Variants in MTRF1 observed in about 807,000 individuals in gnomAD.
MTRF1 encodes the protein mitochondrial translation release factor 1, also known as peptide chain release factor 1, mitochondrial.
A neutral mutation model predicts 62.9 loss-of-function variants in MTRF1; 51 were observed. The observed-to-expected ratio is 0.81, with a 90% CI of 0.65 to 1.02. The LOEUF is 1.02. Among genes scored for constraint, MTRF1 ranks in the 50% least tolerant of loss-of-function variants. The probability of loss-of-function intolerance (pLI) is 0.00; values close to 1 mark genes in which losing one functional copy is unlikely to be tolerated. For missense variants in MTRF1, 446 were observed against 530.0 expected (o/e 0.84, Z 1.56); for synonymous variants, 158 against 181.9 (o/e 0.87, Z 1.06).
Position 41,240,366 on chromosome 13 carries a change from AC to A in MTRF1, c.764del (p.Gly255ValfsTer39). 1 of 1,613,844 alleles carries A rather than the reference AC, an allele frequency of 6.2e-7. No homozygotes were observed. Among genetic ancestry groups the A allele is most frequent in the Non-Finnish European group, 8.5e-7 (1 of 1,179,888 alleles). On this transcript the variant is annotated frameshift_variant, in exon 6 of 10. Coordinates refer to ENST00000379480, the MANE Select transcript of MTRF1 (RefSeq NM_004294.4). LOFTEE classifies it high-confidence loss of function. The stretch of plus-strand genomic sequence containing the variant: ...GGATGCGCTGAACTCGGTGAATCCC[AC>A]CCTCATACTTCAAATGCTTATAGAC... ...DGVYKHLKYEGGIHRVQRIPE... is the reference protein window; with the variant it reads ...DGVYKHLKYEXGIHRVQRIPE...
At chr13:41,233,578 G>A (rs991302128) in intron 7 of MTRF1, among the ~76,000 whole-genome samples, 2 of 152,122 alleles carry the variant, frequency 1.3e-5, no homozygotes, top group African/African-American at 4.8e-5. Flanking sequence ...GAATATCCAC[G>A]GTGGTGGCCT....
chr13:41,281,114 C>T, the MTRF1 span, among the ~76,000 whole-genome samples: 2 of 152,302 alleles, frequency 1.3e-5, no homozygotes, highest in Admixed American at 1.3e-4. Flanking sequence ...TGTGGATACC[C>T]CTCATGTCGA....
At chr13:41,248,682 C>T (rs1235730271) in intron 5 of MTRF1, among the ~76,000 whole-genome samples, 1 of 152,138 alleles carries the variant, frequency 6.6e-6, no homozygotes, top group Non-Finnish European at 1.5e-5. Context: ...GTCATGTGGA[C>T]ACATAAAATT....
upstream of MTRF1, among the ~76,000 whole-genome samples, chr13:41,265,769 G>T (rs1224690605): frequency 6.6e-6 from 1 of 152,190 alleles, no homozygotes; most frequent in African/African-American, 2.4e-5. Flanking sequence ...CTGCCACCTT[G>T]ATGTTAGACT....
At chr13:41,298,540 T>C in the MTRF1 span, among the ~76,000 whole-genome samples, 26 of 152,360 alleles carry the variant, frequency 1.7e-4, no homozygotes, top group Admixed American at 1.4e-3. Flanking sequence ...ATGATCTGCT[T>C]CAGAATTGGA....
chr13:41,219,374 T>C (rs9594497), intron 9 of MTRF1, among the ~76,000 whole-genome samples: 2,134 of 152,086 alleles, frequency 0.014, 57 homozygotes, highest in African/African-American at 0.048. Context: ...TGTAAAAGGA[T>C]TATCCCTCTA....
intron 9 of MTRF1, 32 bp downstream of exon 9, chr13:41,223,224 A>C: frequency 2.7e-6 from 4 of 1,469,450 alleles, no homozygotes; most frequent in Non-Finnish European, 2.8e-6. Flanking sequence ...TTCTGAAATC[A>C]AAGGTAGGCA....
chr13:41,257,620 A>C (rs1377679280), intron 2 of MTRF1: 2 of 197,630 alleles, frequency 1.0e-5, no homozygotes, highest in African/African-American at 4.6e-5. Context: ...CAACACAGTG[A>C]GACCTCATCT....
chr13:41,224,616 C>A (rs2138703564), intron 8 of MTRF1, among the ~76,000 whole-genome samples: 1 of 152,310 alleles, frequency 6.6e-6, no homozygotes, highest in South Asian at 2.1e-4. Flanking sequence ...ATGGCCAGGA[C>A]CTCACTCCAG....
intron 6 of MTRF1, among the ~76,000 whole-genome samples, chr13:41,238,932 TACC>T (rs1242768500): frequency 2.6e-5 from 4 of 151,458 alleles, no homozygotes; most frequent in African/African-American, 9.7e-5. Flanking sequence ...AGTTAAAGAG[TACC>T]ACAAGGAACA....
At chr13:41,292,154 T>C in the MTRF1 span, among the ~76,000 whole-genome samples, 1 of 152,212 alleles carries the variant, frequency 6.6e-6, no homozygotes, top group Non-Finnish European at 1.5e-5. Context: ...ACTGCTCTAA[T>C]CTTTCCTGTC....
intron 6 of MTRF1, chr13:41,236,596 A>T (rs1239726577): frequency 6.6e-6 from 1 of 152,224 alleles, no homozygotes; most frequent in African/African-American, 2.4e-5. Context: ...CTCTCAAATG[A>T]CTGCAACACA....
At chr13:41,271,081 ACACACACACAC>A in the MTRF1 span, among the ~76,000 whole-genome samples, 237 of 149,688 alleles carry the variant, frequency 1.6e-3, no homozygotes, top group African/African-American at 5.7e-3. Context: ...ACACACACAC[ACACACACACAC>A]CCCATATAGC....
chr13:41,310,194 T>C, the MTRF1 span, among the ~76,000 whole-genome samples: 1 of 152,258 alleles, frequency 6.6e-6, no homozygotes, highest in Admixed American at 6.5e-5. Context: ...CTTGCCACTG[T>C]TGTATCTTTC....
At chr13:41,240,554 A>T in intron 5 of MTRF1, 121 bp from the exon 6 acceptor site, 1 of 823,864 alleles carries the variant, frequency 1.2e-6, no homozygotes, top group Non-Finnish European at 1.7e-6. Context: ...AACATAAAGC[A>T]TGGGAGAACG....
At chr13:41,291,051 A>C in the MTRF1 span, among the ~76,000 whole-genome samples, 3 of 151,576 alleles carry the variant, frequency 2.0e-5, no homozygotes, top group African/African-American at 7.3e-5. Flanking sequence ...AGCCGAGATC[A>C]CGCCATTGCA....
At chr13:41,228,673 T>C (rs944286406) in intron 7 of MTRF1, among the ~76,000 whole-genome samples, 5 of 152,260 alleles carry the variant, frequency 3.3e-5, no homozygotes, top group African/African-American at 1.2e-4. Context: ...AATATTCATT[T>C]GTCTTCATCC....
the MTRF1 span, among the ~76,000 whole-genome samples, chr13:41,283,035 T>C: frequency 6.6e-6 from 1 of 152,214 alleles, no homozygotes; most frequent in African/African-American, 2.4e-5. Context: ...CTTTCTTTGA[T>C]TGGGGTGGTA....
At chr13:41,259,280 A>G (rs1312312026) in intron 2 of MTRF1, among the ~76,000 whole-genome samples, 1 of 152,250 alleles carries the variant, frequency 6.6e-6, no homozygotes, top group African/African-American at 2.4e-5. Flanking sequence ...ACTTGTACAC[A>G]AAAGTTCACA....
Sources: gnomAD v4.1 joint callset for allele counts (sites outside exome capture counted in the v4.1 genomes callset) on GRCh38, gnomAD v4.1.1 for gene constraint, MANE v1.5 for transcripts, NCBI Gene and HGNC (gene_info 2026-07-23, HGNC 2026-07-21) for gene names.